Variants in XYLT1 observed in about 807,000 individuals in gnomAD.
XYLT1 encodes the protein xylosyltransferase 1, also known as beta-D-xylosyltransferase 1.
A neutral mutation model predicts 91.3 loss-of-function variants in XYLT1; 36 were observed. The ratio of observed to expected loss-of-function variants is 0.39; its 90% confidence interval spans 0.30 to 0.52. The LOEUF is 0.52. XYLT1 is among the 20% of genes least tolerant of loss of function. The pLI is 0.68. For missense variants in XYLT1, 1,242 were observed against 1,284.5 expected, an observed-to-expected ratio of 0.97 and a Z score of 0.51; for synonymous variants, 588 against 532.0, an observed-to-expected ratio of 1.11 and a Z score of -1.45.
At chr16:17,155,824 T>A (rs530733124) in intron 6 of XYLT1, among the ~76,000 whole-genome samples, 33 of 152,340 alleles carry the variant, frequency 2.2e-4, no homozygotes, top group South Asian at 4.1e-4. Flanking sequence ...AGCCTGAGAC[T>A]TCTTTATGTT....
chr16:17,109,397 T>C (rs115214200), intron 11 of XYLT1, among the ~76,000 whole-genome samples: 165 of 152,266 alleles, frequency 1.1e-3, no homozygotes, highest in African/African-American at 3.8e-3. Flanking sequence ...GATAAAGACA[T>C]ATTAAGTACC....
At chr16:17,116,916 T>C (rs1200808403) in intron 11 of XYLT1, among the ~76,000 whole-genome samples, 2 of 152,238 alleles carry the variant, frequency 1.3e-5, no homozygotes, top group Non-Finnish European at 2.9e-5. Context: ...TTTTTGCGTG[T>C]GTGAGGGGCC....
chr16:17,256,649 G>GAAAA (rs374567962), intron 3 of XYLT1, among the ~76,000 whole-genome samples: 31 of 114,224 alleles, frequency 2.7e-4, no homozygotes, highest in Middle Eastern at 4.5e-3. Flanking sequence ...ACTCCGTCTC[G>GAAAA]AAAAAAAAAA....
At chr16:17,253,222 G>T (rs1338071911) in intron 3 of XYLT1, among the ~76,000 whole-genome samples, 1 of 152,186 alleles carries the variant, frequency 6.6e-6, no homozygotes, top group Non-Finnish European at 1.5e-5. Flanking sequence ...CCCAATTAGG[G>T]TTATTTTGCA....
chr16:17,458,616 G>A (rs2036775124), intron 1 of XYLT1, among the ~76,000 whole-genome samples: 1 of 152,030 alleles, frequency 6.6e-6, no homozygotes, highest in South Asian at 2.1e-4. Flanking sequence ...TTTACCAGAG[G>A]AGCAAAGACT....
intron 2 of XYLT1, among the ~76,000 whole-genome samples, chr16:17,326,675 A>T (rs1217232715): frequency 6.6e-6 from 1 of 152,042 alleles, no homozygotes; most frequent in African/African-American, 2.4e-5. Flanking sequence ...ATACAAAAAA[A>T]TTAGCCGGGC....
chr16:17,330,104 TACAC>T lies in XYLT1; in HGVS notation c.402+27904_402+27907del, dbSNP rs35148093. Among the ~76,000 whole-genome samples, 303 of 144,576 alleles carry T rather than the reference TACAC, an allele frequency of 2.1e-3. 1 individual carries two copies. The highest frequency in any genetic ancestry group is 5.0e-3 in the African/African-American group (194 of 38,898). The allele number at this position is 144,576 out of a possible 152,430, so 94.8% of individuals were successfully genotyped here. On this transcript the variant is annotated intron_variant, in intron 2 of 11. Transcript: ENST00000261381. Reference sequence around the variant, plus strand: ...TATATGCACCACATATGGAGGTAGATACACACACACACACACACACACACACACA... The same window carrying T: ...TATATGCACCACATATGGAGGTAGATACACACACACACACACACACACACA...
intron 2 of XYLT1, among the ~76,000 whole-genome samples, chr16:17,271,333 GAC>G (rs1372766851): frequency 6.6e-6 from 1 of 151,974 alleles, no homozygotes; most frequent in Admixed American, 6.6e-5. Flanking sequence ...CAGAGAGAGA[GAC>G]ACACAGAGAA....
At chr16:17,375,791 C>G (rs569076842) in intron 1 of XYLT1, among the ~76,000 whole-genome samples, 1 of 152,224 alleles carries the variant, frequency 6.6e-6, no homozygotes, top group Non-Finnish European at 1.5e-5. Flanking sequence ...CACATTTCCA[C>G]GCTTCAGATA....
At chr16:17,386,096 A>G (rs2035745070) in intron 1 of XYLT1, among the ~76,000 whole-genome samples, 1 of 152,216 alleles carries the variant, frequency 6.6e-6, no homozygotes, top group Non-Finnish European at 1.5e-5. Flanking sequence ...CGCTTTAAAT[A>G]AATACATGAC....
intron 2 of XYLT1, among the ~76,000 whole-genome samples, chr16:17,313,364 T>C (rs937676978): frequency 1.3e-5 from 2 of 152,110 alleles, no homozygotes; most frequent in African/African-American, 2.4e-5. Context: ...AGTAAAGCTG[T>C]AACACCACCA....
intron 2 of XYLT1, among the ~76,000 whole-genome samples, chr16:17,306,463 G>A (rs1006498708): frequency 2.6e-5 from 4 of 152,052 alleles, no homozygotes; most frequent in African/African-American, 9.7e-5. Context: ...GCTGAGGCAG[G>A]AGAATGGCTT....
At chr16:17,136,695 CATA>C (rs1017334427) in intron 8 of XYLT1, among the ~76,000 whole-genome samples, 2 of 152,122 alleles carry the variant, frequency 1.3e-5, no homozygotes, top group Admixed American at 6.5e-5. Flanking sequence ...GGCACGTTAC[CATA>C]TTATTCTTTC....
chr16:17,149,908 G>C (rs909579999), intron 6 of XYLT1, among the ~76,000 whole-genome samples: 1 of 152,170 alleles, frequency 6.6e-6, no homozygotes, highest in East Asian at 1.9e-4. Flanking sequence ...CACATAGTAA[G>C]GGCTCCATAA....
chr16:17,274,601 G>A (rs911465765), intron 2 of XYLT1, among the ~76,000 whole-genome samples: 1 of 151,954 alleles, frequency 6.6e-6, no homozygotes, highest in African/African-American at 2.4e-5. Context: ...GGTGTGCTCA[G>A]GATTTGAATT....
At chr16:17,242,217 C>T (rs555223437) in intron 3 of XYLT1, among the ~76,000 whole-genome samples, 1 of 152,318 alleles carries the variant, frequency 6.6e-6, no homozygotes, top group East Asian at 1.9e-4. Flanking sequence ...GAATTATGGT[C>T]TTGGGCCAAA....
chr16:17,311,292 G>A (rs2034543950), intron 2 of XYLT1, among the ~76,000 whole-genome samples: 1 of 152,162 alleles, frequency 6.6e-6, no homozygotes, highest in Non-Finnish European at 1.5e-5. Context: ...GGCTGAATTA[G>A]AACCTGCATC....
At chr16:17,288,169 T>G (rs2034169184) in intron 2 of XYLT1, among the ~76,000 whole-genome samples, 1 of 151,730 alleles carries the variant, frequency 6.6e-6, no homozygotes, top group Non-Finnish European at 1.5e-5. Context: ...GCTCAAGCCA[T>G]CCTCCCGCTT....
chr16:17,347,323 C>G (rs1484580258), intron 2 of XYLT1, among the ~76,000 whole-genome samples: 1 of 152,148 alleles, frequency 6.6e-6, no homozygotes, highest in Non-Finnish European at 1.5e-5. Context: ...CCCCACCCCA[C>G]CATGCCCTAG....
Sources: gnomAD v4.1 joint callset for allele counts (sites outside exome capture counted in the v4.1 genomes callset) on GRCh38, gnomAD v4.1.1 for gene constraint, MANE v1.5 for transcripts, NCBI Gene and HGNC (gene_info 2026-07-23, HGNC 2026-07-21) for gene names.